Variants in CSMD1 observed in about 807,000 individuals in gnomAD.
The protein encoded by CSMD1 is CUB and sushi domain-containing protein 1.
A neutral mutation model predicts 417.5 loss-of-function variants in CSMD1; 213 were observed. The observed-to-expected ratio is 0.51, with a 90% CI of 0.46 to 0.57. CSMD1 has a LOEUF of 0.57. Ranked by LOEUF, CSMD1 falls within the 20% of genes least tolerant of loss-of-function variation. The pLI, the probability that CSMD1 is intolerant of heterozygous loss-of-function variation, is 0.00. For missense variants in CSMD1, 6,923 were observed against 4,529.7 expected (o/e 1.53, Z -15.17); for synonymous variants, 2,862 against 1,736.8 (o/e 1.65, Z -16.11).
At chr8:4,204,883 A>G (rs1250106826) in intron 3 of CSMD1, among the ~76,000 whole-genome samples, 1 of 151,954 alleles carries the variant, frequency 6.6e-6, no homozygotes, top group Admixed American at 6.6e-5. Flanking sequence ...CTGGTCCTGA[A>G]CTCCTGTCCT....
At chr8:3,799,832 A>G (rs1800362404) in intron 5 of CSMD1, among the ~76,000 whole-genome samples, 2 of 152,146 alleles carry the variant, frequency 1.3e-5, no homozygotes, top group South Asian at 4.1e-4. Context: ...CTAAATGGAC[A>G]TGAGGCTAGG....
At chr8:3,938,682 T>C (rs1353272037) in intron 5 of CSMD1, among the ~76,000 whole-genome samples, 1 of 152,202 alleles carries the variant, frequency 6.6e-6, no homozygotes, top group Non-Finnish European at 1.5e-5. Flanking sequence ...TTACTTTGAA[T>C]GGCAGGAGTT....
intron 5 of CSMD1, among the ~76,000 whole-genome samples, chr8:3,933,764 TTA>T (rs1283702775): frequency 2.6e-5 from 4 of 152,216 alleles, no homozygotes; most frequent in Non-Finnish European, 4.4e-5. Flanking sequence ...TATTTAGGTT[TTA>T]TATATTTTCC....
chr8:3,391,611 C>G (rs765713915), intron 17 of CSMD1, among the ~76,000 whole-genome samples: 1 of 152,146 alleles, frequency 6.6e-6, no homozygotes, highest in Non-Finnish European at 1.5e-5. Context: ...AGCAGAACTG[C>G]AATTCTAGGT....
intron 3 of CSMD1, among the ~76,000 whole-genome samples, chr8:4,329,038 C>G (rs993563482): frequency 6.6e-6 from 1 of 152,144 alleles, no homozygotes; most frequent in African/African-American, 2.4e-5. Context: ...CTTTGTAAGT[C>G]AAGCCCTGGA....
At chr8:4,627,017 GTAATA>G (rs1288407665) in intron 2 of CSMD1, among the ~76,000 whole-genome samples, 3 of 152,132 alleles carry the variant, frequency 2.0e-5, no homozygotes, top group African/African-American at 7.2e-5. Flanking sequence ...CATACTCTAA[GTAATA>G]TTATATTCCT....
At chr8:4,252,621 A>C (rs1376071104) in intron 3 of CSMD1, among the ~76,000 whole-genome samples, 1 of 152,222 alleles carries the variant, frequency 6.6e-6, no homozygotes, top group Non-Finnish European at 1.5e-5. Context: ...TAGAACCCAA[A>C]TATAGTCTCC....
At chr8:3,405,256 T>G (rs2116893258) in intron 15 of CSMD1, among the ~76,000 whole-genome samples, 1 of 152,326 alleles carries the variant, frequency 6.6e-6, no homozygotes, top group African/African-American at 2.4e-5. Context: ...AAATATTTTC[T>G]TAGCTTATTG....
In CSMD1 at chr8:2,965,912, T is replaced by A; in HGVS notation, c.9143A>T (p.Gln3048Leu). 6.2e-7 allele frequency: 1 copy of A among 1,610,152 alleles called. No homozygotes were observed. The highest frequency in any genetic ancestry group is 8.5e-7 in the Non-Finnish European group (1 of 1,178,294). The change falls in exon 59 of 70, where the codon CAG becomes CTG. Residue 3048 changes from glutamine to leucine, a missense_variant. By Grantham distance (113) the Gln-to-Leu change is moderately radical. Transcript: ENST00000635120. ...GDPGTLANGI[Q>L]FGTDFTFNKT... is the part of the protein sequence containing the mutation. ...GTTGAAGGTGAAGTCGGTCCCAAAC[T>A]GGATGCCATTTGCTAGTGTGCCTGG...
At chr8:4,410,523 A>T (rs576054133) in intron 3 of CSMD1, among the ~76,000 whole-genome samples, 45 of 152,350 alleles carry the variant, frequency 3.0e-4, no homozygotes, top group African/African-American at 1.1e-3. Flanking sequence ...AGACAGAAAG[A>T]GACTATTAGA....
chr8:3,461,748 G>C (rs997207264), intron 12 of CSMD1, among the ~76,000 whole-genome samples: 12 of 152,224 alleles, frequency 7.9e-5, no homozygotes, highest in Non-Finnish European at 1.6e-4. Flanking sequence ...TGTCCCCAAT[G>C]AGACAATACA....
intron 5 of CSMD1, among the ~76,000 whole-genome samples, chr8:3,811,555 G>A (rs1374037233): frequency 1.3e-5 from 2 of 151,998 alleles, no homozygotes; most frequent in South Asian, 4.2e-4. Flanking sequence ...TTCTCTGCAC[G>A]CCTGACCACA....
At chr8:3,493,101 C>T (rs1020811685) in intron 11 of CSMD1, among the ~76,000 whole-genome samples, 16 of 152,018 alleles carry the variant, frequency 1.1e-4, no homozygotes, top group South Asian at 4.2e-4. Flanking sequence ...CGAGACCAAC[C>T]GGGCCAACAT....
intron 3 of CSMD1, among the ~76,000 whole-genome samples, chr8:4,141,987 T>C (rs997654746): frequency 6.6e-6 from 1 of 151,034 alleles, no homozygotes; most frequent in African/African-American, 2.5e-5. Context: ...ATTAAATTTC[T>C]CTCAACTTAT....
At chr8:3,548,659 T>TACAC (rs146360407) in intron 10 of CSMD1, among the ~76,000 whole-genome samples, 19,398 of 132,890 alleles carry the variant, frequency 0.15, 1,507 homozygotes, top group Non-Finnish European at 0.16. Flanking sequence ...TATTCCATCA[T>TACAC]ACACACACAC....
At chr8:3,956,414 G>A (rs939975621) in intron 5 of CSMD1, among the ~76,000 whole-genome samples, 29 of 152,148 alleles carry the variant, frequency 1.9e-4, no homozygotes, top group Admixed American at 3.3e-4. Flanking sequence ...CTAACTGGAG[G>A]CATGTATGTT....
chr8:4,478,219 A>C (rs529070556), intron 2 of CSMD1, among the ~76,000 whole-genome samples: 1 of 152,164 alleles, frequency 6.6e-6, no homozygotes, highest in Non-Finnish European at 1.5e-5. Flanking sequence ...GATTCACTTC[A>C]TGTTAATACT....
intron 25 of CSMD1, among the ~76,000 whole-genome samples, chr8:3,298,109 C>G (rs977790081): frequency 2.6e-5 from 4 of 152,120 alleles, no homozygotes; most frequent in African/African-American, 9.7e-5. Flanking sequence ...AAGTGAAGTT[C>G]CTGAAATTCT....
At chr8:3,075,156 C>T (rs558158467) in intron 49 of CSMD1, among the ~76,000 whole-genome samples, 2 of 152,282 alleles carry the variant, frequency 1.3e-5, no homozygotes, top group East Asian at 3.9e-4. Flanking sequence ...TTTCCTGAGG[C>T]CTCCCCAGAA....
Sources: allele counts gnomAD v4.1 joint callset (sites outside exome capture counted in the v4.1 genomes callset), GRCh38; gene constraint gnomAD v4.1.1; transcripts MANE v1.5; gene names NCBI Gene and HGNC (gene_info 2026-07-23, HGNC 2026-07-21).